The following PPIG variants were observed in gnomAD, a reference collection of about 807,000 sequenced individuals.
PPIG encodes the protein peptidylprolyl isomerase G.
In PPIG, 26 loss-of-function variants were observed where a neutral mutation model predicts 87.9. The observed-to-expected ratio is 0.30, with a 90% confidence interval of 0.22 to 0.41. The LOEUF (loss-of-function observed/expected upper bound fraction) is 0.41, where lower values mean the gene tolerates loss of function less well. Ranked by LOEUF, PPIG falls within the 10% of genes least tolerant of loss-of-function variation. PPIG has a pLI of 1.00. For missense variants in PPIG, 722 were observed against 879.4 expected (o/e 0.82, Z 2.26); for synonymous variants, 308 against 276.5 (o/e 1.11, Z -1.13).
intron 9 of PPIG, among the ~76,000 whole-genome samples, chr2:169,619,927 G>A (rs1425643625): frequency 6.6e-6 from 1 of 151,758 alleles, no homozygotes; most frequent in Non-Finnish European, 1.5e-5. Flanking sequence ...TTTAAATCAG[G>A]TTGTTTTCTT....
Position 169,628,140 on chromosome 2 carries a change from A to T in PPIG, c.548-2634A>T, listed in dbSNP as rs534456724. ...TGAGACAAAATTAGCTTCACCAGGC[A>T]CTAAGATTACTTACCCTTAAGAAAG... On this transcript the variant is annotated intron_variant, in intron 9 of 13. Coordinates refer to ENST00000260970, the MANE Select transcript of PPIG (RefSeq NM_004792.3). 2.0e-5 allele frequency among the ~76,000 whole-genome samples: 3 copies of T among 152,260 alleles called. No individual in the cohort carries two copies. The South Asian group carries it at 6.2e-4, about 32-fold the overall frequency.
rs1173180961 is a variant in PPIG, at chr2:169,636,438, A to G, written c.1180A>G (p.Asn394Asp). 5 of 1,546,166 alleles carry G rather than the reference A, an allele frequency of 3.2e-6. No homozygotes were observed. In the South Asian group the frequency reaches 4.9e-5, roughly 15 times the overall value. ...GAGTGAGTTGAATGAAATAAAAGAA[A>G]ATCAGAGAAGTCCAGTTAGAGTAAA... ...DKSELNEIKENQRSPVRVKER... is the reference protein window; with the variant it reads ...DKSELNEIKEDQRSPVRVKER... The change falls in exon 14 of 14, where the codon AAT (asparagine) becomes GAT (aspartate). Residue 394 changes from asparagine to aspartate, a missense_variant. Coordinates refer to ENST00000260970, the MANE Select transcript of PPIG (RefSeq NM_004792.3).
At chr2:169,635,732 C>G (rs1686161153) in intron 12 of PPIG, among the ~76,000 whole-genome samples, 1 of 152,134 alleles carries the variant, frequency 6.6e-6, no homozygotes, top group Non-Finnish European at 1.5e-5. Flanking sequence ...ATGAGTTGCT[C>G]TAGCATTACT....
intron 1 of PPIG, among the ~76,000 whole-genome samples, chr2:169,592,968 G>C (rs1484080648): frequency 1.3e-5 from 2 of 152,072 alleles, no homozygotes; most frequent in Non-Finnish European, 2.9e-5. Flanking sequence ...ATAGTAATTT[G>C]CTGCCTTTCA....
chr2:169,591,789 T>TG (rs1308730253), intron 1 of PPIG, among the ~76,000 whole-genome samples: 2 of 151,182 alleles, frequency 1.3e-5, no homozygotes, highest in African/African-American at 4.9e-5. Context: ...TGATTTTTTT[T>TG]TTTCCAAGAA....
chr2:169,633,608 TTAA>T (rs1686113422), intron 12 of PPIG: 1 of 288,826 alleles, frequency 3.5e-6, no homozygotes, highest in Admixed American at 5.1e-5. Context: ...TCATCAGAAT[TTAA>T]ATATCTTGTG....
intron 5 of PPIG, 51 bp downstream of exon 5, chr2:169,606,197 C>G (rs182178857): frequency 7.7e-7 from 1 of 1,298,738 alleles, no homozygotes; most frequent in Non-Finnish European, 1.1e-6. Context: ...TCACAGATCT[C>G]AAAGTTAGAC....
At position 169,607,153 on chromosome 2, in the gene PPIG, A is replaced by G. The variant is rs1685355395; in HGVS notation, c.289+5A>G. ...TCTATGGAGGATTTTTTGAAGGTAA[A>G]AATGTTTACATTTATATTATGTTTT... On this transcript the variant is annotated splice_donor_5th_base_variant and intron_variant, in intron 6 of 13. Coordinates refer to ENST00000260970, the MANE Select transcript of PPIG (RefSeq NM_004792.3). The G allele has an allele frequency of 4.0e-6, 6 of 1,505,896 alleles. No individual in the cohort carries two copies. In the East Asian group the frequency reaches 1.4e-4, roughly 34 times the overall value. The allele number at this position is 1,505,896 out of a possible 1,614,324, so 93.3% of individuals were successfully genotyped here.
intron 9 of PPIG, among the ~76,000 whole-genome samples, chr2:169,629,935 T>C (rs79489686): frequency 0.1 from 15,209 of 152,160 alleles, 963 homozygotes; most frequent in Middle Eastern, 0.19. Flanking sequence ...TAATCTGATA[T>C]ATCTCAATTT....
Position 169,637,673 on chromosome 2 carries a change from G to C in PPIG, c.*150G>C. The C allele has an allele frequency of 2.5e-6, 2 of 790,418 alleles. No individual in the cohort carries two copies. Among genetic ancestry groups the C allele is most frequent in the Admixed American group, 3.4e-5 (1 of 29,274 alleles). The allele number at this position is 790,418 out of a possible 1,614,324, so 49.0% of individuals were successfully genotyped here. A position where few individuals can be genotyped will look rare whatever the true frequency, so the allele number is the denominator to read the frequency against. ...TTCTTAATGTGGATTTCATTGAGTT[G>C]ATTTTTTGATAATCTGCAATCTGGA... On this transcript the variant is annotated 3_prime_UTR_variant, in exon 14 of 14. Coordinates refer to ENST00000260970, the MANE Select transcript of PPIG (RefSeq NM_004792.3).
At chr2:169,602,726 CT>C (rs1685218900) in intron 1 of PPIG, among the ~76,000 whole-genome samples, 1 of 152,168 alleles carries the variant, frequency 6.6e-6, no homozygotes, top group South Asian at 2.1e-4. Context: ...CATGCTAAAA[CT>C]TTTCAGATGA....
intron 1 of PPIG, among the ~76,000 whole-genome samples, chr2:169,597,501 T>C (rs1685050958): frequency 2.6e-5 from 3 of 115,094 alleles, no homozygotes; most frequent in African/African-American, 9.0e-5. Context: ...CCTTTTCTTT[T>C]CTTTTTTTTT....
intron 4 of PPIG, among the ~76,000 whole-genome samples, chr2:169,604,880 A>G (rs1287361317): frequency 2.0e-5 from 3 of 151,562 alleles, no homozygotes. Flanking sequence ...ATCTAAAAAA[A>G]AAAAAAGAAA....
chr2:169,616,363 A>G (rs144212022), intron 9 of PPIG, among the ~76,000 whole-genome samples: 4,145 of 152,298 alleles, frequency 0.027, 78 homozygotes, highest in East Asian at 0.1. Context: ...GTATATACCT[A>G]GTAATGGGAT....
In PPIG at chr2:169,637,534, T is replaced by C. The variant is rs765642374; in HGVS notation, c.*11T>C. ...GACAAAAGCGGATGAGTGAGTTATA[T>C]AAACTTACTTCCATTCTGTTTCGGA... is the stretch of plus-strand genomic sequence containing the variant. On this transcript the variant is annotated 3_prime_UTR_variant, in exon 14 of 14. Coordinates refer to ENST00000260970, the MANE Select transcript of PPIG (RefSeq NM_004792.3). 1.9e-6 allele frequency: 3 copies of C among 1,541,856 alleles called. No individual in the cohort carries two copies. The highest frequency in any genetic ancestry group is 2.6e-6 in the Non-Finnish European group (3 of 1,153,264).
At chr2:169,603,329 GCTTT>G (rs1685234573) in intron 1 of PPIG, among the ~76,000 whole-genome samples, 3 of 151,880 alleles carry the variant, frequency 2.0e-5, no homozygotes, top group Non-Finnish European at 4.4e-5. Context: ...TTAAATAATA[GCTTT>G]CTGTTATGGA....
At chr2:169,614,832 T>A in intron 9 of PPIG, 108 bp downstream of exon 9, 7 of 1,294,202 alleles carry the variant, frequency 5.4e-6, no homozygotes, top group Non-Finnish European at 6.3e-6. Flanking sequence ...AAAAATGAGG[T>A]TTTTGTTTTA....
chr2:169,620,725 T>C (rs780484213), intron 9 of PPIG, among the ~76,000 whole-genome samples: 1 of 152,204 alleles, frequency 6.6e-6, no homozygotes, highest in Non-Finnish European at 1.5e-5. Flanking sequence ...TAATTTGATA[T>C]ATTGTCTGAA....
At chr2:169,602,731 C>T (rs1685219038) in intron 1 of PPIG, among the ~76,000 whole-genome samples, 2 of 152,268 alleles carry the variant, frequency 1.3e-5, no homozygotes, top group South Asian at 4.1e-4. Flanking sequence ...TAAAACTTTT[C>T]AGATGAATAG....
Sources: allele counts gnomAD v4.1 joint callset (sites outside exome capture counted in the v4.1 genomes callset), GRCh38; gene constraint gnomAD v4.1.1; transcripts MANE v1.5; gene names NCBI Gene and HGNC (gene_info 2026-07-23, HGNC 2026-07-21).